The following MAP3K7CL variants were observed in gnomAD, a reference collection of about 807,000 sequenced individuals.
The protein encoded by MAP3K7CL is MAP3K7 C-terminal-like protein.
MAP3K7CL carries 16 observed loss-of-function variants against 18.6 expected under a neutral mutation model. The observed-to-expected ratio is 0.86, with a 90% CI of 0.58 to 1.31. The LOEUF (loss-of-function observed/expected upper bound fraction) is 1.31, where lower values mean the gene tolerates loss of function less well. Among genes scored for constraint, MAP3K7CL ranks in the 50% most tolerant of loss-of-function variants. MAP3K7CL has a pLI of 0.00. For missense variants in MAP3K7CL, 163 were observed against 174.4 expected (o/e 0.93, Z 0.37); for synonymous variants, 65 against 66.8 (o/e 0.97, Z 0.13).
chr21:29,105,101 C>A (rs906702913), intron 4 of MAP3K7CL, among the ~76,000 whole-genome samples: 1 of 152,192 alleles, frequency 6.6e-6, no homozygotes, highest in African/African-American at 2.4e-5. Flanking sequence ...TGATTTCCAC[C>A]CAAGAATCCA....
chr21:29,160,663 A>G (rs183794550), intron 4 of MAP3K7CL, among the ~76,000 whole-genome samples: 178 of 152,304 alleles, frequency 1.2e-3, no homozygotes, highest in Middle Eastern at 6.8e-3. Flanking sequence ...CCATTCTTTT[A>G]TACTTGCAAA....
chr21:29,137,173 G>A lies in MAP3K7CL; in HGVS notation c.70+3759G>A, dbSNP rs544023711. On this transcript the variant is annotated intron_variant, in intron 2 of 4. Transcript: ENST00000399928. ...TAAGGGAAATGTAAACCACTAAGCAGTTGTGTCTCACCTACATCTCACCTT... is the reference window on the plus strand; with the variant it reads ...TAAGGGAAATGTAAACCACTAAGCAATTGTGTCTCACCTACATCTCACCTT... Among the ~76,000 whole-genome samples the A allele has an allele frequency of 1.4e-4, 22 of 152,342 alleles. No individual in the cohort carries two copies. In the South Asian group the frequency reaches 4.1e-3, roughly 29 times the overall value.
At chr21:29,125,139 A>G (rs1444078948) in intron 4 of MAP3K7CL, among the ~76,000 whole-genome samples, 2 of 152,186 alleles carry the variant, frequency 1.3e-5, no homozygotes, top group Non-Finnish European at 2.9e-5. Flanking sequence ...TTCTATTTAC[A>G]TAGTGCCTGT....
chr21:29,133,966 C>T (rs1396696728), intron 2 of MAP3K7CL, among the ~76,000 whole-genome samples: 2 of 152,192 alleles, frequency 1.3e-5, no homozygotes, highest in Admixed American at 6.5e-5. Context: ...TAGAGCCCTT[C>T]GTCATGGCTC....
chr21:29,147,945 ATC>A (rs748400889), intron 2 of MAP3K7CL, among the ~76,000 whole-genome samples: 3 of 146,170 alleles, frequency 2.1e-5, no homozygotes, highest in Non-Finnish European at 4.5e-5. Context: ...TCTGTACTGT[ATC>A]TCTATTATAT....
intron 4 of MAP3K7CL, among the ~76,000 whole-genome samples, chr21:29,121,324 TAAAG>T (rs2086591517): frequency 6.6e-6 from 1 of 152,002 alleles, no homozygotes; most frequent in Non-Finnish European, 1.5e-5. Context: ...GAAGCTAAAA[TAAAG>T]AAAGCTGACC....
chr21:29,144,776 T>C (rs886375644), intron 2 of MAP3K7CL, among the ~76,000 whole-genome samples: 1 of 152,224 alleles, frequency 6.6e-6, no homozygotes, highest in African/African-American at 2.4e-5. Flanking sequence ...ACAGACCCAA[T>C]GTGTCCTATT....
At chr21:29,166,524 G>A (rs1688186238) in intron 4 of MAP3K7CL, among the ~76,000 whole-genome samples, 1 of 152,150 alleles carries the variant, frequency 6.6e-6, no homozygotes, top group Non-Finnish European at 1.5e-5. Context: ...CTTCACCCCA[G>A]AAATAAATCT....
chr21:29,110,751 C>T (rs1002707288), intron 4 of MAP3K7CL, among the ~76,000 whole-genome samples: 1 of 152,128 alleles, frequency 6.6e-6, no homozygotes, highest in Non-Finnish European at 1.5e-5. Context: ...TCATGTCCCA[C>T]CCCTTCTATT....
chr21:29,082,585 G>A (rs935276698), upstream of MAP3K7CL, among the ~76,000 whole-genome samples: 1 of 152,134 alleles, frequency 6.6e-6, no homozygotes, highest in Admixed American at 6.5e-5. Flanking sequence ...AAAGTAGAGG[G>A]TGCCAAGGGA....
chr21:29,131,954 A>G (rs925954576), intron 1 of MAP3K7CL, among the ~76,000 whole-genome samples: 1 of 152,224 alleles, frequency 6.6e-6, no homozygotes, highest in Non-Finnish European at 1.5e-5. Context: ...ATGTCCTGCT[A>G]AAGCATTTCC....
exon 1 of MAP3K7CL, chr21:29,085,892 T>G (rs759189726): frequency 1.2e-6 from 2 of 1,614,068 alleles, no homozygotes; most frequent in Non-Finnish European, 1.7e-6. Flanking sequence ...TTAGAAGTTA[T>G]GTGGAACGAG....
intron 4 of MAP3K7CL, among the ~76,000 whole-genome samples, chr21:29,160,302 A>G (rs2087515189): frequency 6.6e-6 from 1 of 152,244 alleles, no homozygotes; most frequent in African/African-American, 2.4e-5. Flanking sequence ...AAAAATGCCA[A>G]AATACCACCC....
rs74458845 is a variant in MAP3K7CL at position 29,107,419 on chromosome 21, G to A, written c.370+14838G>A. Among the ~76,000 whole-genome samples, 810 of 152,260 alleles carry A rather than the reference G, an allele frequency of 5.3e-3. 7 individuals are homozygous for A. The highest frequency in any genetic ancestry group is 0.018 in the African/African-American group (761 of 41,562). On this transcript the variant is annotated intron_variant, in intron 4 of 6. Transcript: ENST00000286791. ...AGAAAGCAACAGTATAGAGACTGCC[G>A]GCAGCCCAAACAAGAGTGATTTCCC...
chr21:29,085,720 C>T, upstream of MAP3K7CL: 1 of 741,952 alleles, frequency 1.3e-6, no homozygotes, highest in Non-Finnish European at 2.3e-6. Flanking sequence ...CTGTATTTAA[C>T]ATTAATTGAA....
upstream of MAP3K7CL, among the ~76,000 whole-genome samples, chr21:29,129,662 A>G (rs1226399926): frequency 6.6e-6 from 1 of 152,220 alleles, no homozygotes; most frequent in East Asian, 1.9e-4. Flanking sequence ...TGGGGAAATA[A>G]CAAGAAGTGT....
intron 3 of MAP3K7CL, chr21:29,092,168 CTTTG>C: frequency 2.3e-6 from 1 of 428,890 alleles, no homozygotes; most frequent in Non-Finnish European, 4.2e-6. Flanking sequence ...AATCAGCTCT[CTTTG>C]TTTTTATAAG....
chr21:29,134,039 C>T (rs140552833), intron 2 of MAP3K7CL, among the ~76,000 whole-genome samples: 35 of 152,304 alleles, frequency 2.3e-4, no homozygotes, highest in African/African-American at 6.0e-4. Context: ...CCTCATGTGG[C>T]GGGAGGTCAC....
At chr21:29,123,244 A>T (rs557465013) in intron 4 of MAP3K7CL, among the ~76,000 whole-genome samples, 2 of 152,054 alleles carry the variant, frequency 1.3e-5, no homozygotes, top group East Asian at 3.9e-4. Context: ...GTATATTTTT[A>T]ATAGACATGA....
Sources: allele counts gnomAD v4.1 joint callset (sites outside exome capture counted in the v4.1 genomes callset), GRCh38; gene constraint gnomAD v4.1.1; transcripts MANE v1.5; gene names NCBI Gene and HGNC (gene_info 2026-07-23, HGNC 2026-07-21).